CALB2: variants seen among roughly 807,000 people sequenced by gnomAD.
CALB2 encodes calretinin.
A neutral mutation model predicts 45.9 loss-of-function variants in CALB2; 34 were observed. The observed-to-expected ratio is 0.74, with a 90% CI of 0.56 to 0.99. The LOEUF is 0.99. Among genes scored for constraint, CALB2 ranks in the 50% least tolerant of loss-of-function variants. CALB2 has a pLI of 0.00. For missense variants in CALB2, 344 were observed against 339.3 expected (o/e 1.01, Z -0.11); for synonymous variants, 142 against 129.6 (o/e 1.10, Z -0.65).
At chr16:71,362,985 G>C (rs533795694) in intron 1 of CALB2, among the ~76,000 whole-genome samples, 5 of 152,148 alleles carry the variant, frequency 3.3e-5, no homozygotes, top group Non-Finnish European at 7.4e-5. Context: ...TTCGAGACCA[G>C]CTTGGGCAAT....
intron 3 of CALB2, among the ~76,000 whole-genome samples, chr16:71,376,518 T>TCCACATACAA (rs1567539426): frequency 6.7e-6 from 1 of 149,850 alleles, no homozygotes. Flanking sequence ...CCCACATACA[T>TCCACATACAA]CCACATACAA....
chr16:71,385,700 C>A (rs1037768596), intron 10 of CALB2, 52 bp downstream of exon 10: 3 of 1,478,600 alleles, frequency 2.0e-6, no homozygotes, highest in African/African-American at 2.8e-5. Flanking sequence ...ACAGGAGAGG[C>A]TTCTGCAGGA....
intron 1 of CALB2, among the ~76,000 whole-genome samples, chr16:71,366,022 CTCTT>C (rs1320124956): frequency 4.0e-4 from 20 of 50,550 alleles, no homozygotes; most frequent in African/African-American, 7.0e-4. Context: ...CCCTCTCTCT[CTCTT>C]TTTTTTTTTT....
At chr16:71,370,859 C>A (rs2042342538) in intron 1 of CALB2, among the ~76,000 whole-genome samples, 1 of 152,208 alleles carries the variant, frequency 6.6e-6, no homozygotes, top group African/African-American at 2.4e-5. Context: ...GTGACCTTGA[C>A]CATGCATTCA....
At chr16:71,382,603 C>T in intron 4 of CALB2, 116 bp from the exon 5 acceptor site, 2 of 934,880 alleles carry the variant, frequency 2.1e-6, no homozygotes, top group Non-Finnish European at 3.4e-6. Flanking sequence ...TGTCTCCATC[C>T]CATTCCGATA....
At position 71,384,800 on chromosome 16, in the gene CALB2, A is replaced by T. The variant is rs765623817; in HGVS notation, c.591A>T (p.Ser197=). ...LLKFQGMKLT[S]EEFNAIFTFY... is the part of the protein sequence containing the mutation. ...TCTTGCAGGGCATGAAGCTGACCTC[A>T]GAGGAGTTTAACGCGATCTTCACAT... Residue 197 remains serine (S), a synonymous_variant, in exon 9 of 11, where the codon TCA becomes TCT. Coordinates refer to ENST00000302628, the MANE Select transcript of CALB2 (RefSeq NM_001740.5). 1.1e-5 allele frequency: 18 copies of T among 1,612,004 alleles called. No homozygotes were observed. Among genetic ancestry groups the T allele is most frequent in the Non-Finnish European group, 1.5e-5 (18 of 1,179,174 alleles).
At chr16:71,382,642 C>T in intron 4 of CALB2, 77 bp from the exon 5 acceptor site, 3 of 1,424,002 alleles carry the variant, frequency 2.1e-6, no homozygotes, top group Non-Finnish European at 2.9e-6. Flanking sequence ...CTGGGTGGCC[C>T]ATTAAAGGGG....
intron 7 of CALB2, 140 bp from the exon 8 acceptor site, chr16:71,384,199 T>A: frequency 9.9e-7 from 1 of 1,011,132 alleles, no homozygotes; most frequent in Non-Finnish European, 1.6e-6. Flanking sequence ...TCCCTCGTTT[T>A]TGAACTTCCC....
chr16:71,385,491 C>T, intron 9 of CALB2, 86 bp from the exon 10 acceptor site: 1 of 1,162,842 alleles, frequency 8.6e-7, no homozygotes, highest in Non-Finnish European at 1.3e-6. Flanking sequence ...AATGGAGAGG[C>T]TAGACTCTTA....
intron 10 of CALB2, chr16:71,389,501 A>C (rs769181163): frequency 9.5e-5 from 63 of 660,962 alleles, no homozygotes; most frequent in Non-Finnish European, 1.5e-4. Flanking sequence ...CCCATTTTAC[A>C]GGTGAGGCAG....
intron 3 of CALB2, among the ~76,000 whole-genome samples, chr16:71,376,611 A>G (rs2042416355): frequency 3.3e-5 from 5 of 152,028 alleles, no homozygotes; most frequent in Admixed American, 3.3e-4. Flanking sequence ...ACATGTACCC[A>G]CATCCATCCA....
At position 71,363,493 on chromosome 16, in the gene CALB2, G is replaced by A. The variant is rs1357826165; in HGVS notation, c.94+4607G>A. Among the ~76,000 whole-genome samples the A allele has an allele frequency of 3.3e-5, 5 of 152,322 alleles. No homozygotes were observed. The South Asian group carries it at 1.0e-3, about 32-fold the overall frequency. On this transcript the variant is annotated intron_variant, in intron 1 of 10. Transcript: ENST00000302628. ...TCGCCCTCTGAAACCCAGTGACCTGGCAGAAGTCTTCTCCAAGCCCACACA... is the reference window on the plus strand; with the variant it reads ...TCGCCCTCTGAAACCCAGTGACCTGACAGAAGTCTTCTCCAAGCCCACACA...
intron 4 of CALB2, 86 bp downstream of exon 4, chr16:71,377,833 A>G: frequency 1.1e-6 from 1 of 946,908 alleles, no homozygotes; most frequent in South Asian, 1.4e-5. Context: ...CCTGCCTGGT[A>G]ATGGTCCCTG....
chr16:71,383,515 T>C (rs2042525530), intron 6 of CALB2, 71 bp downstream of exon 6: 2 of 1,376,362 alleles, frequency 1.5e-6, no homozygotes, highest in South Asian at 2.4e-5. Context: ...GGCTCTGGTG[T>C]GCAGGGTCCC....
chr16:71,362,501 C>T (rs1402694060), intron 1 of CALB2, among the ~76,000 whole-genome samples: 2 of 152,162 alleles, frequency 1.3e-5, no homozygotes, highest in Non-Finnish European at 2.9e-5. Flanking sequence ...TTACAGTGTT[C>T]TTCGGAAATA....
Position 71,366,022 on chromosome 16 carries a change from C to CTTTTTTT in CALB2, c.95-6130_95-6129insTTTTTTT, listed in dbSNP as rs1447467571. Among the ~76,000 whole-genome samples, 115 of 50,518 alleles carry CTTTTTTT rather than the reference C, an allele frequency of 2.3e-3. 19 individuals are homozygous for CTTTTTTT. Among genetic ancestry groups the CTTTTTTT allele is most frequent in the African/African-American group, 3.4e-3 (34 of 9,948 alleles). 33.1% of individuals were successfully genotyped at this position (50,518 alleles called of 152,430 possible). On this transcript the variant is annotated intron_variant, in intron 1 of 10. Coordinates refer to ENST00000302628, the MANE Select transcript of CALB2 (RefSeq NM_001740.5). ...TTTCTTTGTTTTCTTCCCTCTCTCT[C>CTTTTTTT]TCTTTTTTTTTTTTTTTTTTTTGAG...
intron 4 of CALB2, among the ~76,000 whole-genome samples, chr16:71,380,070 C>A (rs1389242102): frequency 1.3e-5 from 2 of 151,938 alleles, no homozygotes; most frequent in Non-Finnish European, 2.9e-5. Flanking sequence ...AGCATCATGC[C>A]TGACTCCTTT....
chr16:71,372,789 T>A (rs2042368096), intron 2 of CALB2, among the ~76,000 whole-genome samples: 1 of 152,226 alleles, frequency 6.6e-6, no homozygotes, highest in Non-Finnish European at 1.5e-5. Context: ...CATTGCCAAA[T>A]GTCCCCCTGG....
chr16:71,362,387 A>G (rs6499508), intron 1 of CALB2, among the ~76,000 whole-genome samples: 22,535 of 152,232 alleles, frequency 0.15, 1,818 homozygotes, highest in African/African-American at 0.21. Context: ...AGGGGCAAGC[A>G]GACATTCATG....
Sources: allele counts gnomAD v4.1 joint callset (sites outside exome capture counted in the v4.1 genomes callset), GRCh38; gene constraint gnomAD v4.1.1; transcripts MANE v1.5; gene names NCBI Gene and HGNC (gene_info 2026-07-23, HGNC 2026-07-21).